TTC39B: variants seen among roughly 807,000 people sequenced by gnomAD.
TTC39B encodes tetratricopeptide repeat protein 39B.
A neutral mutation model predicts 96.6 loss-of-function variants in TTC39B; 92 were observed. The observed-to-expected ratio is 0.95, with a 90% confidence interval of 0.80 to 1.13. The LOEUF (loss-of-function observed/expected upper bound fraction) is 1.13. TTC39B is among the 50% of genes most tolerant of loss of function. The pLI is 0.00. For missense variants in TTC39B, 955 were observed against 809.3 expected, an observed-to-expected ratio of 1.18 and a Z score of -2.18; for synonymous variants, 367 against 299.4, an observed-to-expected ratio of 1.23 and a Z score of -2.33.
intron 2 of TTC39B, chr9:15,250,083 A>G (rs1255867672): frequency 3.9e-6 from 5 of 1,277,888 alleles, no homozygotes; most frequent in Non-Finnish European, 5.1e-6. Flanking sequence ...CTTGGTCTCC[A>G]GTGAGACTCT....
exon 19 of TTC39B, chr9:15,175,114 G>T (rs141607864): frequency 1.9e-6 from 3 of 1,612,852 alleles, no homozygotes; most frequent in Admixed American, 3.3e-5. Flanking sequence ...CTAGGTAGTG[G>T]TCATACTTCA....
intron 2 of TTC39B, among the ~76,000 whole-genome samples, chr9:15,233,045 C>T (rs1288332158): frequency 1.3e-5 from 2 of 151,896 alleles, no homozygotes; most frequent in Non-Finnish European, 2.9e-5. Context: ...GGAAATTTTG[C>T]GATAGGACAG....
intron 2 of TTC39B, among the ~76,000 whole-genome samples, chr9:15,229,468 C>A (rs1461598998): frequency 6.6e-6 from 1 of 152,144 alleles, no homozygotes; most frequent in Admixed American, 6.5e-5. Context: ...GGTAGATATG[C>A]AAATAATTTC....
rs1824771827 is a variant in TTC39B, at chr9:15,306,956, C to G, written c.240+128G>C. 7.1e-7 allele frequency: 1 copy of G among 1,409,890 alleles called. No individual in the cohort carries two copies. Among genetic ancestry groups the G allele is most frequent in the Non-Finnish European group, 9.5e-7 (1 of 1,055,274 alleles). The allele number at this position is 1,409,890 out of a possible 1,614,324, so 87.3% of individuals were successfully genotyped here. A position where few individuals can be genotyped will look rare whatever the true frequency, so the allele number is the denominator to read the frequency against. ...AGGCCGGGCGCCCCCACCCGGCGCC[C>G]GCCAGCCCACCCCAGAGAGGGGACC... On this transcript the variant is annotated intron_variant, in intron 1 of 19. Coordinates refer to ENST00000512701, the Ensembl canonical transcript of TTC39B. This position sits in a 1 kb window ranked among gnomAD's most constrained non-coding sequence, Gnocchi z 5.1.
exon 20 of TTC39B, chr9:15,170,047 G>A (rs961518007): frequency 2.2e-4 from 33 of 151,918 alleles, no homozygotes; most frequent in African/African-American, 6.8e-4. Flanking sequence ...GCTTTTTTTG[G>A]AAAACTTTTT....
At chr9:15,286,148 T>C (rs1274420781) in intron 1 of TTC39B, among the ~76,000 whole-genome samples, 2 of 152,232 alleles carry the variant, frequency 1.3e-5, no homozygotes, top group Non-Finnish European at 2.9e-5. Context: ...TAAACTACTT[T>C]ACACTATTGC....
At chr9:15,283,709 T>C (rs966184300) in intron 1 of TTC39B, among the ~76,000 whole-genome samples, 7 of 152,162 alleles carry the variant, frequency 4.6e-5, no homozygotes, top group African/African-American at 1.7e-4. Flanking sequence ...TAATAAAGAA[T>C]ACAGACAGGG....
chr9:15,243,917 A>C (rs546148572), intron 2 of TTC39B, among the ~76,000 whole-genome samples: 1 of 152,100 alleles, frequency 6.6e-6, no homozygotes, highest in African/African-American at 2.4e-5. Context: ...CTTTTCATTT[A>C]AAAAAAAATT....
chr9:15,214,352 GTGTGTGTGTC>G (rs1586888665), intron 3 of TTC39B, 103 bp from the exon 4 acceptor site: 46 of 771,014 alleles, frequency 6.0e-5, no homozygotes, highest in East Asian at 3.1e-4. Context: ...GTGTGTCTGT[GTGTGTGTGTC>G]TGTGTGTGTG....
intron 2 of TTC39B, among the ~76,000 whole-genome samples, chr9:15,258,756 C>A (rs1822844042): frequency 6.6e-6 from 1 of 152,070 alleles, no homozygotes; most frequent in Non-Finnish European, 1.5e-5. Context: ...CCAGCAACAC[C>A]CCAACCACGA....
intron 7 of TTC39B, among the ~76,000 whole-genome samples, chr9:15,201,919 G>A (rs1475801182): frequency 1.3e-5 from 2 of 152,176 alleles, no homozygotes; most frequent in African/African-American, 4.8e-5. Flanking sequence ...ATTTTTAAGA[G>A]GTTACTCAAC....
chr9:15,270,479 C>T (rs1346832404), intron 1 of TTC39B, among the ~76,000 whole-genome samples: 2 of 152,108 alleles, frequency 1.3e-5, no homozygotes, highest in Non-Finnish European at 2.9e-5. Flanking sequence ...TCCTCACAAA[C>T]CTCAGCATGG....
intron 2 of TTC39B, among the ~76,000 whole-genome samples, chr9:15,264,242 A>C (rs1200655014): frequency 6.6e-6 from 1 of 152,244 alleles, no homozygotes; most frequent in Non-Finnish European, 1.5e-5. Context: ...AGGATGAACA[A>C]GCTAAAAAAT....
In TTC39B at chr9:15,189,646, G is replaced by A; in HGVS notation, c.1174-13C>T. ...ACACGAGTGAGCCCTGCAGAGCAAG[G>A]AAGAAAACACACTGTTCAACAGTCA... On this transcript the variant is annotated splice_polypyrimidine_tract_variant and intron_variant, in intron 12 of 19. Transcript: ENST00000512701. 3 of 1,614,130 alleles carry A rather than the reference G, an allele frequency of 1.9e-6. No individual in the cohort carries two copies. The South Asian group carries it at 3.3e-5, about 18-fold the overall frequency.
chr9:15,187,075 G>A (rs772965547), intron 14 of TTC39B, 40 bp from the exon 15 acceptor site: 4 of 1,458,092 alleles, frequency 2.7e-6, no homozygotes, highest in African/African-American at 1.4e-5. Context: ...ACATCCCTAG[G>A]TAAATGACAT....
At chr9:15,279,397 T>A (rs1047926403) in intron 1 of TTC39B, among the ~76,000 whole-genome samples, 2 of 152,194 alleles carry the variant, frequency 1.3e-5, no homozygotes, top group African/African-American at 4.8e-5. Context: ...TCAAAGATGA[T>A]CTCAAACTGA....
At chr9:15,225,940 C>G in exon 3 of TTC39B, 1 of 1,613,950 alleles carries the variant, frequency 6.2e-7, no homozygotes, top group Non-Finnish European at 8.5e-7. Context: ...ACGCTCCGCG[C>G]TGTCTGGGCG....
rs57422881 is a variant in TTC39B, at chr9:15,251,700, C to CATATATATATATATATATAT, written c.275+16194_275+16213dup. On this transcript the variant is annotated intron_variant, in intron 2 of 19. Transcript: ENST00000512701. ...ACACACACACACACACATACATATACATATATATATATATATATATATATA... is the reference window on the plus strand; with the variant it reads ...ACACACACACACACACATACATATACATATATATATATATATATATATATATATATATATATATATATATA... Among the ~76,000 whole-genome samples the CATATATATATATATATATAT allele has an allele frequency of 1.8e-3, 174 of 98,300 alleles. 3 individuals are homozygous for CATATATATATATATATATAT. Among genetic ancestry groups the CATATATATATATATATATAT allele is most frequent in the East Asian group, 3.2e-3 (6 of 1,888 alleles). The allele number at this position is 98,300 out of a possible 152,430, so 64.5% of individuals were successfully genotyped here.
At chr9:15,243,008 C>T (rs1273859887) in intron 2 of TTC39B, among the ~76,000 whole-genome samples, 2 of 152,180 alleles carry the variant, frequency 1.3e-5, no homozygotes, top group Admixed American at 1.3e-4. Context: ...GCCACAGGCA[C>T]ACCAACAGTC....
Sources: gnomAD v4.1 joint callset for allele counts (sites outside exome capture counted in the v4.1 genomes callset) on GRCh38, gnomAD v4.1.1 for gene constraint, Gnocchi (gnomAD v3.1) non-coding constraint, MANE v1.5 for transcripts, NCBI Gene and HGNC (gene_info 2026-07-23, HGNC 2026-07-21) for gene names.